The following VKORC1L1 variants were observed in gnomAD, a reference collection of about 807,000 sequenced individuals.
The protein encoded by VKORC1L1 is vitamin K epoxide reductase complex subunit 1L1.
Under a neutral mutation model 18.9 loss-of-function variants are expected in VKORC1L1, and 2 were observed. That is an observed-to-expected ratio of 0.11 (90% CI 0.04 to 0.33). The LOEUF (loss-of-function observed/expected upper bound fraction) is 0.33, where lower values mean the gene tolerates loss of function less well. VKORC1L1 is among the 10% of genes least tolerant of loss of function. VKORC1L1 has a pLI of 1.00. For missense variants in VKORC1L1, 123 were observed against 224.1 expected, an observed-to-expected ratio of 0.55 and a Z score of 2.88; for synonymous variants, 96 against 100.0, an observed-to-expected ratio of 0.96 and a Z score of 0.24.
At chr7:65,892,329 G>A (rs1789122427) in intron 1 of VKORC1L1, among the ~76,000 whole-genome samples, 2 of 152,314 alleles carry the variant, frequency 1.3e-5, no homozygotes, top group Admixed American at 1.3e-4. Flanking sequence ...GGATCACACG[G>A]TAGTTCTATT....
chr7:65,892,398 A>G (rs889379048), intron 1 of VKORC1L1, among the ~76,000 whole-genome samples: 4 of 152,222 alleles, frequency 2.6e-5, no homozygotes, highest in African/African-American at 9.6e-5. Flanking sequence ...TACCAACAAC[A>G]GTGTACAAGG....
intron 1 of VKORC1L1, among the ~76,000 whole-genome samples, chr7:65,918,555 C>T (rs1202562208): frequency 6.6e-6 from 1 of 152,154 alleles, no homozygotes; most frequent in African/African-American, 2.4e-5. Flanking sequence ...TTGGGATGAT[C>T]TTCACTTTCC....
chr7:65,875,852 AAC>A lies in VKORC1L1; in HGVS notation c.194+2289_194+2290del, dbSNP rs1188113339. ...GAAAGTTTGAGCCCAGAGGAAAGTT[AAC>A]AGACAAAGATTCTGAAGAAAATCAT... On this transcript the variant is annotated intron_variant, in intron 1 of 2. Coordinates refer to ENST00000360768, the MANE Select transcript of VKORC1L1 (RefSeq NM_173517.6). Among the ~76,000 whole-genome samples, 6 of 152,334 alleles carry A rather than the reference AAC, an allele frequency of 3.9e-5. No individual in the cohort carries two copies. In the East Asian group the frequency reaches 1.2e-3, roughly 29 times the overall value.
chr7:65,885,540 A>T (rs556991888), intron 1 of VKORC1L1, among the ~76,000 whole-genome samples: 6 of 151,758 alleles, frequency 4.0e-5, no homozygotes, highest in South Asian at 4.2e-4. Context: ...ATGTGAAAAA[A>T]TTTTTTTCAC....
At chr7:65,870,865 C>T (rs1298300798), upstream of VKORC1L1, among the ~76,000 whole-genome samples, 1 of 151,964 alleles carries the variant, frequency 6.6e-6, no homozygotes, top group East Asian at 1.9e-4. Context: ...ATTGCAGCCT[C>T]AATCCACACC....
intron 1 of VKORC1L1, among the ~76,000 whole-genome samples, chr7:65,920,261 C>G (rs1248869101): frequency 6.6e-6 from 1 of 152,178 alleles, no homozygotes; most frequent in Non-Finnish European, 1.5e-5. Flanking sequence ...TCGTCTCTCT[C>G]TCCATGAGAG....
chr7:65,954,354 T>G lies in VKORC1L1; in HGVS notation c.*54T>G. ...CAAGCCCCTTTCCATTCAGTTTATT[T>G]TGCAGCAGGTTTTTATTATTATTAT... On this transcript the variant is annotated 3_prime_UTR_variant, in exon 3 of 3. Transcript: ENST00000360768. 6.4e-7 allele frequency: 1 copy of G among 1,574,796 alleles called. No homozygotes were observed. Among genetic ancestry groups the G allele is most frequent in the Non-Finnish European group, 8.6e-7 (1 of 1,163,532 alleles).
At chr7:65,924,085 G>A (rs1789721032) in intron 1 of VKORC1L1, among the ~76,000 whole-genome samples, 1 of 152,176 alleles carries the variant, frequency 6.6e-6, no homozygotes, top group Admixed American at 6.5e-5. Flanking sequence ...GTTTTAATGT[G>A]TTGAGACTTA....
chr7:65,899,304 C>T (rs983824487), intron 1 of VKORC1L1, among the ~76,000 whole-genome samples: 14 of 152,246 alleles, frequency 9.2e-5, no homozygotes, highest in Admixed American at 2.0e-4. Flanking sequence ...CCTACTCTTC[C>T]AAATCCACCT....
chr7:65,880,016 G>A (rs901059787), intron 1 of VKORC1L1, among the ~76,000 whole-genome samples: 4 of 151,892 alleles, frequency 2.6e-5, no homozygotes. Flanking sequence ...ACCATGCCTA[G>A]CTAATTTTTT....
intron 2 of VKORC1L1, among the ~76,000 whole-genome samples, chr7:65,949,877 C>T (rs1790184891): frequency 6.6e-6 from 1 of 152,166 alleles, no homozygotes; most frequent in South Asian, 2.1e-4. Context: ...CTTTTACTTC[C>T]AAATAATGCT....
intron 1 of VKORC1L1, among the ~76,000 whole-genome samples, chr7:65,939,306 C>T (rs1017618436): frequency 1.3e-5 from 2 of 152,074 alleles, no homozygotes; most frequent in African/African-American, 2.4e-5. Context: ...CTCATCCAGC[C>T]AAAGAAGTAA....
intron 1 of VKORC1L1, among the ~76,000 whole-genome samples, chr7:65,943,818 A>G (rs1304449091): frequency 1.3e-5 from 2 of 152,184 alleles, no homozygotes; most frequent in Non-Finnish European, 2.9e-5. Context: ...ATAAAAATAA[A>G]GATAATTTTA....
chr7:65,908,367 C>T (rs554338483), intron 1 of VKORC1L1, among the ~76,000 whole-genome samples: 21 of 152,064 alleles, frequency 1.4e-4, no homozygotes, highest in South Asian at 1.0e-3. Context: ...GAGCCGAGAT[C>T]GCGCCACTGC....
intron 1 of VKORC1L1, among the ~76,000 whole-genome samples, chr7:65,915,638 T>C (rs954493853): frequency 7.9e-5 from 12 of 152,082 alleles, no homozygotes; most frequent in African/African-American, 2.9e-4. Context: ...AACCAGTTTT[T>C]TTTTTTTTTT....
At chr7:65,925,394 G>A (rs1360183869) in intron 1 of VKORC1L1, among the ~76,000 whole-genome samples, 2 of 152,092 alleles carry the variant, frequency 1.3e-5, no homozygotes, top group African/African-American at 4.8e-5. Context: ...TCTCCGAGTT[G>A]GTCTCACTCT....
In VKORC1L1 at chr7:65,954,412, A is replaced by G. The variant is rs1790261715; in HGVS notation, c.*112A>G. ...ATTATTCACAACAGACACTTTCCCT[A>G]AGAATCTCAAACTGATTTTTAAAAA... On this transcript the variant is annotated 3_prime_UTR_variant, in exon 3 of 3. Transcript: ENST00000360768. 1 of 1,406,708 alleles carries G rather than the reference A, an allele frequency of 7.1e-7. No homozygotes were observed. The highest frequency in any genetic ancestry group is 9.3e-7 in the Non-Finnish European group (1 of 1,078,278). The allele number at this position is 1,406,708 out of a possible 1,614,324, so 87.1% of individuals were successfully genotyped here. A position where few individuals can be genotyped will look rare whatever the true frequency, so the allele number is the denominator to read the frequency against.
chr7:65,936,158 T>C (rs1272076087), intron 1 of VKORC1L1, among the ~76,000 whole-genome samples: 2 of 152,102 alleles, frequency 1.3e-5, no homozygotes, highest in Non-Finnish European at 2.9e-5. Context: ...AATGGTTACT[T>C]TTTCTCTGCT....
At chr7:65,894,753 A>G (rs1361868140) in intron 1 of VKORC1L1, among the ~76,000 whole-genome samples, 2 of 152,062 alleles carry the variant, frequency 1.3e-5, no homozygotes, top group Non-Finnish European at 2.9e-5. Flanking sequence ...AGAAAAGAAA[A>G]GAAGTAAATT....
Sources: allele counts gnomAD v4.1 joint callset (sites outside exome capture counted in the v4.1 genomes callset), GRCh38; gene constraint gnomAD v4.1.1; transcripts MANE v1.5; gene names NCBI Gene and HGNC (gene_info 2026-07-23, HGNC 2026-07-21).